The following RASEF variants were observed in gnomAD, a reference collection of about 807,000 sequenced individuals.
RASEF encodes the protein RAS and EF-hand domain containing, also known as ras and EF-hand domain-containing protein.
RASEF carries 68 observed loss-of-function variants against 90.1 expected under a neutral mutation model. The ratio of observed to expected loss-of-function variants is 0.75; its 90% CI spans 0.62 to 0.92. The LOEUF (loss-of-function observed/expected upper bound fraction) is 0.92. Among genes scored for constraint, RASEF ranks in the 40% least tolerant of loss-of-function variants. The pLI is 0.00. For synonymous variants in RASEF, 331 were observed against 345.2 expected (o/e 0.96, Z 0.46); for missense variants, 949 against 937.2 (o/e 1.01, Z -0.16).
chr9:82,996,776 G>C (rs973608967), intron 14 of RASEF, among the ~76,000 whole-genome samples: 8 of 152,130 alleles, frequency 5.3e-5, no homozygotes, highest in Admixed American at 5.2e-4. Context: ...AGAAAACCTA[G>C]AAGTTTTATT....
chr9:83,074,930 A>G, the RASEF span, among the ~76,000 whole-genome samples: 1 of 152,002 alleles, frequency 6.6e-6, no homozygotes, highest in Non-Finnish European at 1.5e-5. Context: ...AAAGAAGTGA[A>G]GTCATCACAA....
chr9:83,189,471 G>A, the RASEF span, among the ~76,000 whole-genome samples: 1 of 152,154 alleles, frequency 6.6e-6, no homozygotes, highest in East Asian at 1.9e-4. Flanking sequence ...ACATCAGGAA[G>A]TTTTTCAGAC....
At chr9:83,088,550 A>C in the RASEF span, among the ~76,000 whole-genome samples, 4 of 151,970 alleles carry the variant, frequency 2.6e-5, no homozygotes, top group Admixed American at 1.3e-4. Flanking sequence ...TGAATGGCCT[A>C]TTTCTCCCAT....
chr9:83,009,490 G>T, intron 6 of RASEF, 151 bp downstream of exon 6: 1 of 518,462 alleles, frequency 1.9e-6, no homozygotes, highest in South Asian at 3.2e-5. Context: ...AAAACACTAG[G>T]AAACCTGATA....
chr9:83,218,466 ATCCAGGG>A, the RASEF span, among the ~76,000 whole-genome samples: 1 of 152,052 alleles, frequency 6.6e-6, no homozygotes, highest in Non-Finnish European at 1.5e-5. Flanking sequence ...ATGTGAGGTC[ATCCAGGG>A]TCCTAGGACT....
intron 15 of RASEF, among the ~76,000 whole-genome samples, chr9:82,991,818 A>G (rs1239837165): frequency 1.3e-5 from 2 of 152,240 alleles, no homozygotes; most frequent in African/African-American, 4.8e-5. Flanking sequence ...GCTGGCAGGC[A>G]GCCAAGAATA....
intron 16 of RASEF, among the ~76,000 whole-genome samples, chr9:82,990,149 AT>A (rs1171167626): frequency 1.3e-5 from 2 of 152,110 alleles, no homozygotes. Context: ...TTGTGGTGAC[AT>A]TTTTCAGAAA....
At position 82,982,760 on chromosome 9, in the gene RASEF, T is replaced by C. The variant is rs767042194; in HGVS notation, c.2140A>G (p.Lys714Glu). The C allele has an allele frequency of 2.5e-6, 4 of 1,603,214 alleles. No homozygotes were observed. The highest frequency in any genetic ancestry group is 3.4e-6 in the Non-Finnish European group (4 of 1,170,382). Residue 714 changes from lysine to glutamate, a missense_variant, in exon 17 of 17, where the codon AAG becomes GAG. Physicochemically the swap from Lys to Glu is moderately conservative, Grantham distance 56. This residue lies in a region of RASEF where 288 missense variants were observed against 328.4 expected (regional missense o/e 0.88). Transcript: ENST00000376447. ...TTGGTAATGGATCTGCTGTCATCCT[T>C]GTCAGTTCTCTTTTTCACTTCTCTG... ...LAREVKKRTDKDDSRSITNLT... is the reference protein window; with the variant it reads ...LAREVKKRTDEDDSRSITNLT...
chr9:83,058,140 T>G (rs1359262409), intron 1 of RASEF, among the ~76,000 whole-genome samples: 1 of 147,034 alleles, frequency 6.8e-6, no homozygotes, highest in Non-Finnish European at 1.5e-5. Context: ...CCTTCTCTCT[T>G]GCTCTCCGGC....
intron 1 of RASEF, among the ~76,000 whole-genome samples, chr9:83,035,563 A>G (rs1409758778): frequency 6.6e-6 from 1 of 152,228 alleles, no homozygotes; most frequent in Non-Finnish European, 1.5e-5. Flanking sequence ...GTACATGTAT[A>G]TGTAAGAATA....
the RASEF span, among the ~76,000 whole-genome samples, chr9:83,209,499 T>G: frequency 6.6e-6 from 1 of 152,236 alleles, no homozygotes. Context: ...GATGAGCAAA[T>G]TTGGCCAGAA....
chr9:83,085,804 AG>A, the RASEF span, among the ~76,000 whole-genome samples: 1 of 152,248 alleles, frequency 6.6e-6, no homozygotes, highest in African/African-American at 2.4e-5. Flanking sequence ...ATGCACCTGT[AG>A]TCCCAGCTAC....
In RASEF at chr9:83,000,058, C is replaced by T. The variant is rs1828998377; in HGVS notation, c.1723+111G>A. The T allele has an allele frequency of 1.7e-5, 16 of 945,378 alleles. No homozygotes were observed. In the East Asian group the frequency reaches 3.9e-4, roughly 23 times the overall value. 58.6% of individuals were successfully genotyped at this position (945,378 alleles called of 1,614,324 possible). ...ACACATTTATATATGTGTGCATACACAGAGAAAGAGAAAACTGTTAACTGA... is the reference window on the plus strand; with the variant it reads ...ACACATTTATATATGTGTGCATACATAGAGAAAGAGAAAACTGTTAACTGA... On this transcript the variant is annotated intron_variant, in intron 12 of 16. Coordinates refer to ENST00000376447, the MANE Select transcript of RASEF (RefSeq NM_152573.4).
chr9:83,195,179 A>C, the RASEF span, among the ~76,000 whole-genome samples: 1 of 152,170 alleles, frequency 6.6e-6, no homozygotes, highest in African/African-American at 2.4e-5. Context: ...TCATGCAGCT[A>C]TGTGGCGGGA....
chr9:83,058,513 C>G (rs1224914887), intron 1 of RASEF, among the ~76,000 whole-genome samples: 1 of 152,126 alleles, frequency 6.6e-6, no homozygotes, highest in South Asian at 2.1e-4. Context: ...TCTGTCTCTC[C>G]TCTCCCTTTT....
At chr9:83,049,395 C>G in intron 1 of RASEF, 1 of 920,226 alleles carries the variant, frequency 1.1e-6, no homozygotes, top group Non-Finnish European at 1.3e-6. Context: ...CTATCTTGAA[C>G]ACATTTCTAT....
the RASEF span, among the ~76,000 whole-genome samples, chr9:83,199,224 TAAAAAAAAAAAAAAAAA>T: frequency 8.4e-6 from 1 of 118,662 alleles, no homozygotes; most frequent in Non-Finnish European, 1.7e-5. Flanking sequence ...AGCCCTAATT[TAAAAAAAAAAAAAAAAA>T]AAAAAAAAAA....
the RASEF span, among the ~76,000 whole-genome samples, chr9:83,161,166 C>T: frequency 6.6e-6 from 1 of 152,306 alleles, no homozygotes; most frequent in Non-Finnish European, 1.5e-5. Context: ...TACTGTCCTC[C>T]AGACCCCAGA....
the RASEF span, among the ~76,000 whole-genome samples, chr9:83,161,599 G>A: frequency 2.6e-5 from 4 of 152,108 alleles, no homozygotes; most frequent in East Asian, 5.9e-4. Flanking sequence ...TTGAGTTAAT[G>A]CTGAAATGAG....
Sources: gnomAD v4.1 joint callset for allele counts (sites outside exome capture counted in the v4.1 genomes callset) on GRCh38, gnomAD v4.1.1 for gene constraint, gnomAD v4.1.1 regional missense constraint, MANE v1.5 for transcripts, NCBI Gene and HGNC (gene_info 2026-07-23, HGNC 2026-07-21) for gene names.